WWOX: variants seen among roughly 807,000 people sequenced by gnomAD.
The protein encoded by WWOX is WW domain-containing oxidoreductase.
Under a neutral mutation model 46.2 loss-of-function variants are expected in WWOX, and 69 were observed. That is an observed-to-expected ratio of 1.49 (90% CI 1.23 to 1.82). The LOEUF is 1.82. Ranked by LOEUF, WWOX falls within the 40% of genes most tolerant of loss-of-function variation. The pLI, the probability that WWOX is intolerant of heterozygous loss-of-function variation, is 0.00. For synonymous variants in WWOX, 359 were observed against 202.6 expected (o/e 1.77, Z -6.56); for missense variants, 919 against 542.6 (o/e 1.69, Z -6.89).
intron 5 of WWOX, among the ~76,000 whole-genome samples, chr16:78,211,470 A>G (rs559666383): frequency 1.3e-5 from 2 of 152,214 alleles, no homozygotes; most frequent in Admixed American, 1.3e-4. Flanking sequence ...TATGAGTGCA[A>G]GAGAGAGCGA....
At chr16:78,864,651 C>T (rs1021821246) in intron 8 of WWOX, among the ~76,000 whole-genome samples, 1 of 151,922 alleles carries the variant, frequency 6.6e-6, no homozygotes, top group African/African-American at 2.4e-5. Context: ...CCATTGGGCC[C>T]AGCTCTGAGA....
At chr16:78,923,504 A>G (rs569287216) in intron 8 of WWOX, among the ~76,000 whole-genome samples, 1 of 152,228 alleles carries the variant, frequency 6.6e-6, no homozygotes, top group East Asian at 1.9e-4. Context: ...GGGAGTCAGA[A>G]TATCAACTTT....
intron 5 of WWOX, among the ~76,000 whole-genome samples, chr16:78,244,038 C>T (rs2037741798): frequency 6.6e-6 from 1 of 152,196 alleles, no homozygotes; most frequent in African/African-American, 2.4e-5. Context: ...TTCACTGCGG[C>T]TTAGCCTGTG....
At chr16:78,190,138 A>C (rs1469867501) in intron 5 of WWOX, among the ~76,000 whole-genome samples, 1 of 152,144 alleles carries the variant, frequency 6.6e-6, no homozygotes, top group Non-Finnish European at 1.5e-5. Context: ...ATGGTCTGTT[A>C]CATCCTTGCT....
chr16:79,057,191 C>G (rs914160097), intron 8 of WWOX, among the ~76,000 whole-genome samples: 1 of 152,026 alleles, frequency 6.6e-6, no homozygotes, highest in African/African-American at 2.4e-5. Context: ...TATAGTTCTC[C>G]TTTTAATGGT....
chr16:78,419,625 CAA>C (rs60762734), intron 6 of WWOX, among the ~76,000 whole-genome samples: 5,538 of 44,638 alleles, frequency 0.12, 155 homozygotes, highest in African/African-American at 0.21. Context: ...CAAAAAATAG[CAA>C]AAAAAAAAAA....
At chr16:78,905,858 A>T (rs1218188944) in intron 8 of WWOX, among the ~76,000 whole-genome samples, 1 of 152,062 alleles carries the variant, frequency 6.6e-6, no homozygotes, top group Non-Finnish European at 1.5e-5. Context: ...ACACGTTTCC[A>T]CCCCCTCAAA....
chr16:78,136,042 T>C (rs1193850387), intron 4 of WWOX, among the ~76,000 whole-genome samples: 1 of 152,202 alleles, frequency 6.6e-6, no homozygotes, highest in Non-Finnish European at 1.5e-5. Context: ...GATTTTCTTA[T>C]GGCTTTTTCA....
At chr16:78,690,671 GTTC>G (rs376840451) in intron 8 of WWOX, among the ~76,000 whole-genome samples, 28,337 of 152,116 alleles carry the variant, frequency 0.19, 3,040 homozygotes, top group South Asian at 0.32. Context: ...TCCCAACCTG[GTTC>G]TTTGTCTTGT....
Position 78,373,365 on chromosome 16 carries a change from T to G in WWOX, c.517-13495T>G, listed in dbSNP as rs1469906701. ...TTCATTTAGTGGCTGTATTGTCCCC[T>G]AGGAACTTATTATAACTTAACGTTT... On this transcript the variant is annotated intron_variant, in intron 5 of 8. Transcript: ENST00000566780. 2.6e-5 allele frequency among the ~76,000 whole-genome samples: 4 copies of G among 152,234 alleles called. No individual in the cohort carries two copies. The East Asian group carries it at 7.7e-4, about 29-fold the overall frequency.
chr16:78,220,155 GT>G (rs2036842651), intron 5 of WWOX, among the ~76,000 whole-genome samples: 1 of 152,164 alleles, frequency 6.6e-6, no homozygotes, highest in South Asian at 2.1e-4. Context: ...ATCCAGTGGT[GT>G]CTAGAACATG....
intron 8 of WWOX, among the ~76,000 whole-genome samples, chr16:78,956,430 C>T (rs531303671): frequency 9.2e-5 from 14 of 152,292 alleles, no homozygotes; most frequent in African/African-American, 2.9e-4. Flanking sequence ...GCTGGGATTA[C>T]AGGCATGAGC....
chr16:78,884,647 A>G (rs778326776), intron 8 of WWOX, among the ~76,000 whole-genome samples: 1 of 152,210 alleles, frequency 6.6e-6, no homozygotes, highest in Non-Finnish European at 1.5e-5. Context: ...AAAGCAAACT[A>G]TTCCTATTAG....
chr16:78,470,765 G>A (rs1472471585), intron 8 of WWOX, among the ~76,000 whole-genome samples: 2 of 152,020 alleles, frequency 1.3e-5, no homozygotes, highest in Non-Finnish European at 2.9e-5. Context: ...CTGACCTCAG[G>A]TGATTGACCT....
chr16:78,965,614 G>A (rs1023069643), intron 8 of WWOX, among the ~76,000 whole-genome samples: 6 of 151,486 alleles, frequency 4.0e-5, no homozygotes, highest in African/African-American at 1.5e-4. Context: ...ACAGTCTAAT[G>A]CTTTCCACTA....
At chr16:78,507,583 G>T (rs2085242866) in intron 8 of WWOX, among the ~76,000 whole-genome samples, 1 of 152,094 alleles carries the variant, frequency 6.6e-6, no homozygotes, top group African/African-American at 2.4e-5. Context: ...GAGTAAGCAG[G>T]CATGCAACAT....
intron 8 of WWOX, among the ~76,000 whole-genome samples, chr16:78,845,167 T>G (rs751776675): frequency 1.0e-4 from 15 of 150,268 alleles, no homozygotes; most frequent in Admixed American, 4.6e-4. Flanking sequence ...ACCAAAGTAC[T>G]TCTATGGACT....
chr16:78,553,534 G>C (rs74586785), intron 8 of WWOX, among the ~76,000 whole-genome samples: 5,379 of 152,174 alleles, frequency 0.035, 328 homozygotes, highest in African/African-American at 0.12. Context: ...GTGGTTACCA[G>C]TGAGCTGTCT....
At position 78,164,349 on chromosome 16, in the gene WWOX, T is replaced by C. The variant is rs770862962; in HGVS notation, c.516+60T>C. ...TCAAATACACATGCCGGGCTAACCA[T>C]ATGGAGATTTCAGTGGAGTGTGTAA... On this transcript the variant is annotated intron_variant, in intron 5 of 8. Transcript: ENST00000566780. 3.4e-6 allele frequency: 5 copies of C among 1,469,540 alleles called. No homozygotes were observed. In the East Asian group the frequency reaches 9.2e-5, roughly 27 times the overall value. 91.0% of individuals were successfully genotyped at this position (1,469,540 alleles called of 1,614,324 possible).
Sources: gnomAD v4.1 joint callset for allele counts (sites outside exome capture counted in the v4.1 genomes callset) on GRCh38, gnomAD v4.1.1 for gene constraint, MANE v1.5 for transcripts, NCBI Gene and HGNC (gene_info 2026-07-23, HGNC 2026-07-21) for gene names.